The following SBNO2 variants were observed in gnomAD, a reference collection of about 807,000 sequenced individuals.
SBNO2 encodes protein strawberry notch homolog 2.
SBNO2 carries 89 observed loss-of-function variants against 146.3 expected under a neutral mutation model. That is an observed-to-expected ratio of 0.61 (90% CI 0.51 to 0.73). SBNO2 has a LOEUF of 0.73. Among genes scored for constraint, SBNO2 ranks in the 30% least tolerant of loss-of-function variants. The pLI is 0.00. For missense variants in SBNO2, 2,092 were observed against 2,003.7 expected (o/e 1.04, Z -0.84); for synonymous variants, 1,147 against 892.6 (o/e 1.29, Z -5.08).
In SBNO2 at chr19:1,126,315, G is replaced by A. The variant is rs543149275; in HGVS notation, c.441+1289C>T. ...AACACAAAAAAACAGACGCCACGCA[G>A]GTTCCTGGAAGGCTGAGTCACCATT... On this transcript the variant is annotated intron_variant, in intron 5 of 31. Coordinates refer to ENST00000361757, the MANE Select transcript of SBNO2 (RefSeq NM_014963.3). The surrounding 1 kb of genome is among the most constrained non-coding windows in gnomAD (Gnocchi z 4.4). 2.5e-3 allele frequency among the ~76,000 whole-genome samples: 377 copies of A among 152,198 alleles called. 2 individuals carry two copies. The highest frequency in any genetic ancestry group is 8.5e-3 in the African/African-American group (352 of 41,536).
intron 11 of SBNO2, among the ~76,000 whole-genome samples, chr19:1,120,868 C>CATA (rs1016032905): frequency 6.6e-6 from 1 of 151,682 alleles, no homozygotes; most frequent in African/African-American, 2.4e-5. Flanking sequence ...GGGGTTTCAC[C>CATA]ATATTGGTCA....
At chr19:1,135,599 G>A (rs1015970660) in intron 4 of SBNO2, among the ~76,000 whole-genome samples, 4 of 152,304 alleles carry the variant, frequency 2.6e-5, no homozygotes, top group East Asian at 3.9e-4. Flanking sequence ...CTGGGCTCCC[G>A]TGGCCCGGTC....
At position 1,132,002 on chromosome 19, in the gene SBNO2, G is replaced by A. The variant is rs1334113313; in HGVS notation, c.280-4237C>T. 1.4e-5 allele frequency: 14 copies of A among 1,027,232 alleles called. No individual in the cohort carries two copies. The East Asian group carries it at 2.9e-4, about 21-fold the overall frequency. The allele number at this position is 1,027,232 out of a possible 1,614,324, so 63.6% of individuals were successfully genotyped here. On this transcript the variant is annotated intron_variant, in intron 4 of 31. Coordinates refer to ENST00000361757, the MANE Select transcript of SBNO2 (RefSeq NM_014963.3). ...TCTAGGATGAGATGCCGGCTGCTCC[G>A]GCAGGGGGCCCGGCCGTCCTGAATG...
At chr19:1,160,094 C>A (rs2080329930) in intron 1 of SBNO2, among the ~76,000 whole-genome samples, 1 of 152,182 alleles carries the variant, frequency 6.6e-6, no homozygotes, top group African/African-American at 2.4e-5. Flanking sequence ...AGGGGCAGCA[C>A]CCGCCCTCTG....
rs539137536 is a variant in SBNO2, at chr19:1,136,079, G to A, written c.280-8314C>T. ...CTGTGCCTGGTGTCCTCATTCGAAG[G>A]AGACACAGTCCCGGGGAGGAGGCCA... is the stretch of plus-strand genomic sequence containing the variant. On this transcript the variant is annotated intron_variant, in intron 4 of 31. Coordinates refer to ENST00000361757, the MANE Select transcript of SBNO2 (RefSeq NM_014963.3). This position sits in a 1 kb window ranked among gnomAD's most constrained non-coding sequence, Gnocchi z 4.2. Among the ~76,000 whole-genome samples, 2 of 152,134 alleles carry A rather than the reference G, an allele frequency of 1.3e-5. No homozygotes were observed. The highest frequency in any genetic ancestry group is 2.9e-5 in the Non-Finnish European group (2 of 68,006).
intron 1 of SBNO2, among the ~76,000 whole-genome samples, chr19:1,167,722 G>GT (rs2080439198): frequency 6.6e-6 from 1 of 152,204 alleles, no homozygotes; most frequent in African/African-American, 2.4e-5. Context: ...GCTCCAGGGG[G>GT]TGGGGGGGAC....
rs56237932 is a variant in SBNO2 at position 1,172,787 on chromosome 19, G to T, written c.-127+1385C>A. On this transcript the variant is annotated intron_variant, in intron 1 of 31. Transcript: ENST00000361757. ...AACACTCACTGCAACCGCCCCCCCC[G>T]CCCCGGCAAACTGGCAGCCAGCATC... 8.6e-5 allele frequency among the ~76,000 whole-genome samples: 4 copies of T among 46,260 alleles called. 1 individual carries two copies. The highest frequency in any genetic ancestry group is 7.0e-5 in the Non-Finnish European group (2 of 28,578). The allele number at this position is 46,260 out of a possible 152,430, so 30.3% of individuals were successfully genotyped here.
At position 1,107,925 on chromosome 19, in the gene SBNO2, T is replaced by G; in HGVS notation, c.*295A>C. The G allele has an allele frequency of 4.5e-6, 1 of 222,330 alleles. No homozygotes were observed. Among genetic ancestry groups the G allele is most frequent in the African/African-American group, 2.3e-5 (1 of 43,042 alleles). The allele number at this position is 222,330 out of a possible 1,614,324, so 13.8% of individuals were successfully genotyped here. On this transcript the variant is annotated 3_prime_UTR_variant, in exon 32 of 32. Transcript: ENST00000361757. ...CACCCGGTTTCACGGATTTCAAGGGTTTGGGCCCACTGAGCCCTTGTGGGT... is the reference window on the plus strand; with the variant it reads ...CACCCGGTTTCACGGATTTCAAGGGGTTGGGCCCACTGAGCCCTTGTGGGT...
rs1196845051 is a variant in SBNO2 at position 1,107,641 on chromosome 19, T to C, written c.*579A>G. The C allele has an allele frequency of 1.3e-5, 2 of 152,484 alleles. No individual in the cohort carries two copies. Among genetic ancestry groups the C allele is most frequent in the Admixed American group, 6.5e-5 (1 of 15,284 alleles). 9.4% of individuals were successfully genotyped at this position (152,484 alleles called of 1,614,324 possible). On this transcript the variant is annotated 3_prime_UTR_variant, in exon 32 of 32. Transcript: ENST00000361757. Reference sequence around the variant, plus strand: ...GCTGAGGAGCAGACTCCGTGGGAAGTAGGCAAAAGGCACATATATTTAAAA... The same window carrying C: ...GCTGAGGAGCAGACTCCGTGGGAAGCAGGCAAAAGGCACATATATTTAAAA...
chr19:1,123,674 G>C, intron 6 of SBNO2, 35 bp from the exon 7 acceptor site: 1 of 1,570,004 alleles, frequency 6.4e-7, no homozygotes, highest in Non-Finnish European at 8.6e-7. Flanking sequence ...GGAGACTGCA[G>C]GCCTGAGCGG....
At chr19:1,166,613 A>ACG (rs201183181) in intron 1 of SBNO2, among the ~76,000 whole-genome samples, 84 of 38,072 alleles carry the variant, frequency 2.2e-3, no homozygotes, top group African/African-American at 5.8e-3. Context: ...CCGCAACTGC[A>ACG]CGCGCACACA....
intron 15 of SBNO2, 64 bp downstream of exon 15, chr19:1,117,259 G>A: frequency 2.7e-6 from 4 of 1,460,420 alleles, no homozygotes; most frequent in South Asian, 2.7e-5. Context: ...GGACCTGGAA[G>A]AAGAGCAGCC....
chr19:1,122,628 TCCCGCC>T (rs780816276), intron 9 of SBNO2, 24 bp downstream of exon 9: 3 of 467,496 alleles, frequency 6.4e-6, no homozygotes, highest in Non-Finnish European at 5.5e-6. Flanking sequence ...CCACCCCCGC[TCCCGCC>T]CCCTGCCCCA....
rs374441875 is a variant in SBNO2 at position 1,127,863 on chromosome 19, C to G, written c.280-98G>C. 5.5e-5 allele frequency: 63 copies of G among 1,139,362 alleles called. No homozygotes were observed. The African/African-American group carries it at 8.3e-4, about 15-fold the overall frequency. 70.6% of individuals were successfully genotyped at this position (1,139,362 alleles called of 1,614,324 possible). A position where few individuals can be genotyped will look rare whatever the true frequency, so the allele number is the denominator to read the frequency against. ...GGGGATGGGAGACACCACGGCCCTCCACACACTGGAGCATGTGGGAATGGG... is the reference window on the plus strand; with the variant it reads ...GGGGATGGGAGACACCACGGCCCTCGACACACTGGAGCATGTGGGAATGGG... On this transcript the variant is annotated intron_variant, in intron 4 of 31. Coordinates refer to ENST00000361757, the MANE Select transcript of SBNO2 (RefSeq NM_014963.3).
intron 1 of SBNO2, among the ~76,000 whole-genome samples, chr19:1,169,630 G>C (rs2080458956): frequency 6.6e-6 from 1 of 152,196 alleles, no homozygotes; most frequent in African/African-American, 2.4e-5. Context: ...CCTACGGGTT[G>C]AGACAGGACA....
intron 4 of SBNO2, among the ~76,000 whole-genome samples, chr19:1,145,580 C>G (rs2080182432): frequency 2.0e-5 from 3 of 152,088 alleles, no homozygotes; most frequent in African/African-American, 7.2e-5. Flanking sequence ...ACAGGCTGAC[C>G]CAGGGCTGGG....
chr19:1,156,224 C>G (rs1230333696), intron 1 of SBNO2, among the ~76,000 whole-genome samples: 55 of 152,194 alleles, frequency 3.6e-4, no homozygotes, highest in Non-Finnish European at 2.9e-5. Flanking sequence ...CCCCCCACGT[C>G]TGTGGACGCC....
At chr19:1,113,483 A>G (rs1599826497) in intron 19 of SBNO2, 52 bp downstream of exon 19, 1 of 1,414,008 alleles carries the variant, frequency 7.1e-7, no homozygotes. Flanking sequence ...GTGAAGCCCC[A>G]CCCACTGCCC....
At chr19:1,122,414 T>A in intron 10 of SBNO2, 54 bp downstream of exon 10, 1 of 1,531,126 alleles carries the variant, frequency 6.5e-7, no homozygotes, top group South Asian at 1.2e-5. Flanking sequence ...CAGCCCCCAC[T>A]TTGCAGGGCA....
Sources: allele counts gnomAD v4.1 joint callset (sites outside exome capture counted in the v4.1 genomes callset), GRCh38; gene constraint gnomAD v4.1.1; non-coding constraint Gnocchi (gnomAD v3.1); transcripts MANE v1.5; gene names NCBI Gene and HGNC (gene_info 2026-07-23, HGNC 2026-07-21).